CEP89: variants seen among roughly 807,000 people sequenced by gnomAD.
The protein encoded by CEP89 is centrosomal protein 89.
CEP89 carries 95 observed loss-of-function variants against 97.6 expected under a neutral mutation model. The observed-to-expected ratio is 0.97, with a 90% CI of 0.82 to 1.15. The LOEUF (loss-of-function observed/expected upper bound fraction) is 1.15, where lower values mean the gene tolerates loss of function less well. Among genes scored for constraint, CEP89 ranks in the 50% most tolerant of loss-of-function variants. The pLI is 0.00. For missense variants in CEP89, 869 were observed against 947.7 expected, an observed-to-expected ratio of 0.92 and a Z score of 1.09; for synonymous variants, 354 against 349.1, an observed-to-expected ratio of 1.01 and a Z score of -0.16.
In CEP89 at chr19:32,887,752, C is replaced by A. The variant is rs1039694225; in HGVS notation, c.1965G>T (p.Lys655Asn). 6.3e-7 allele frequency: 1 copy of A among 1,597,208 alleles called. No individual in the cohort carries two copies. The highest frequency in any genetic ancestry group is 1.7e-5 in the Admixed American group (1 of 59,990). ...TCTCTGAGGCCAAATAACCACTTACCTTGACTTTTTCCTCTAACTTTCCCA... is the reference window on the plus strand; with the variant it reads ...TCTCTGAGGCCAAATAACCACTTACATTGACTTTTTCCTCTAACTTTCCCA... ...IRLGKLEEKV[K>N]GYKKQAALKL... Residue 655 changes from lysine to asparagine, a missense_variant and splice_region_variant, in exon 17 of 19, where the codon AAG becomes AAT. By Grantham distance (94) the Lys-to-Asn change is moderately conservative. Transcript: ENST00000305768.
At chr19:32,916,096 G>A (rs576848622) in intron 13 of CEP89, among the ~76,000 whole-genome samples, 24 of 152,024 alleles carry the variant, frequency 1.6e-4, no homozygotes, top group African/African-American at 5.5e-4. Context: ...GGGTAACATA[G>A]TGAGACCCCA....
At chr19:32,911,277 G>A (rs1969994402) in intron 14 of CEP89, among the ~76,000 whole-genome samples, 1 of 152,192 alleles carries the variant, frequency 6.6e-6, no homozygotes, top group Admixed American at 6.5e-5. Context: ...AAAACACATT[G>A]GTCGCAGGAG....
At chr19:32,920,225 G>GTTTTTT (rs1467859891) in intron 12 of CEP89, among the ~76,000 whole-genome samples, 1 of 151,744 alleles carries the variant, frequency 6.6e-6, no homozygotes, top group Non-Finnish European at 1.5e-5. Flanking sequence ...TTTTGTTTTT[G>GTTTTTT]TTTTTGTTTT....
At chr19:32,891,354 AACAC>A (rs148821540) in intron 16 of CEP89, among the ~76,000 whole-genome samples, 22 of 150,996 alleles carry the variant, frequency 1.5e-4, no homozygotes, top group African/African-American at 4.9e-4. Flanking sequence ...CACACACACA[AACAC>A]ACACACACAC....
chr19:32,905,404 G>C (rs1307712110), intron 14 of CEP89, among the ~76,000 whole-genome samples: 1 of 152,150 alleles, frequency 6.6e-6, no homozygotes, highest in African/African-American at 2.4e-5. Context: ...TTCTAGAAAG[G>C]TTTATGTAAG....
intron 10 of CEP89, 90 bp downstream of exon 10, chr19:32,926,844 G>A (rs865959718): frequency 1.8e-6 from 2 of 1,117,936 alleles, no homozygotes; most frequent in Non-Finnish European, 2.7e-6. Context: ...TTACAGACAT[G>A]AGCCACCGCG....
chr19:32,953,061 G>T (rs527417982), intron 4 of CEP89, among the ~76,000 whole-genome samples: 2 of 151,952 alleles, frequency 1.3e-5, no homozygotes, highest in South Asian at 4.2e-4. Flanking sequence ...GGGATTCGCA[G>T]AGCAGCTGGC....
rs1269361037 is a variant in CEP89, at chr19:32,918,231, G to T, written c.1377C>A (p.Leu459=). Residue 459 remains leucine (L), a synonymous_variant, in exon 13 of 19, where the codon CTC becomes CTA. Coordinates refer to ENST00000305768, the MANE Select transcript of CEP89 (RefSeq NM_032816.5). ...RKAKDSHQER[L]QEVSKLTKQL... ...TCACTGGAAGGACCTCACCTTCTTG[G>T]AGGCGCTCCTGGTGGCTGTCCTTGG... The T allele has an allele frequency of 6.2e-7, 1 of 1,613,004 alleles. No homozygotes were observed. The highest frequency in any genetic ancestry group is 2.2e-5 in the East Asian group (1 of 44,876).
intron 13 of CEP89, 107 bp from the exon 14 acceptor site, chr19:32,915,624 T>A: frequency 9.5e-7 from 1 of 1,049,678 alleles, no homozygotes; most frequent in Non-Finnish European, 1.4e-6. Context: ...AAAATGACCT[T>A]TTAAAGATCT....
At chr19:32,905,637 G>C (rs928188626) in intron 14 of CEP89, among the ~76,000 whole-genome samples, 2 of 152,034 alleles carry the variant, frequency 1.3e-5, no homozygotes, top group Non-Finnish European at 2.9e-5. Flanking sequence ...TTATTTCTAG[G>C]TGCACACAAA....
intron 3 of CEP89, among the ~76,000 whole-genome samples, chr19:32,955,161 T>C (rs1971020882): frequency 6.6e-6 from 1 of 151,318 alleles, no homozygotes; most frequent in Non-Finnish European, 1.5e-5. Flanking sequence ...ATTTTTTGTT[T>C]GTTTGTTTAT....
intron 12 of CEP89, among the ~76,000 whole-genome samples, chr19:32,921,859 A>G (rs1970256563): frequency 6.6e-6 from 1 of 152,316 alleles, no homozygotes; most frequent in African/African-American, 2.4e-5. Context: ...AAAATCAGGG[A>G]GAGCCAATGG....
At position 32,895,940 on chromosome 19, in the gene CEP89, A is replaced by G. The variant is rs551058908; in HGVS notation, c.1875+3917T>C. Among the ~76,000 whole-genome samples, 5 of 152,328 alleles carry G rather than the reference A, an allele frequency of 3.3e-5. No individual in the cohort carries two copies. In the South Asian group the frequency reaches 1.0e-3, roughly 32 times the overall value. On this transcript the variant is annotated intron_variant, in intron 16 of 18. Coordinates refer to ENST00000305768, the MANE Select transcript of CEP89 (RefSeq NM_032816.5). ...GTTAAAGATTTCTACAAGGAAAGCT[A>G]CAAACACTGATGAAAGACAATGAAG...
At chr19:32,904,239 AT>A (rs1302125318) in intron 14 of CEP89, among the ~76,000 whole-genome samples, 1 of 152,258 alleles carries the variant, frequency 6.6e-6, no homozygotes, top group Non-Finnish European at 1.5e-5. Flanking sequence ...ACAATGAAAA[AT>A]TCTTAAAAGA....
At chr19:32,914,401 AG>A (rs1970076241) in intron 14 of CEP89, among the ~76,000 whole-genome samples, 1 of 152,010 alleles carries the variant, frequency 6.6e-6, no homozygotes, top group Admixed American at 6.6e-5. Flanking sequence ...CTGGGACCAC[AG>A]GCGCATACCA....
chr19:32,942,645 A>T (rs1970710880), intron 5 of CEP89, among the ~76,000 whole-genome samples: 1 of 152,220 alleles, frequency 6.6e-6, no homozygotes, highest in Non-Finnish European at 1.5e-5. Flanking sequence ...CATTTAATGT[A>T]CACGCAGTTC....
chr19:32,928,414 G>A (rs1306691213), intron 9 of CEP89, among the ~76,000 whole-genome samples: 8 of 151,580 alleles, frequency 5.3e-5, no homozygotes, highest in Non-Finnish European at 1.5e-5. Flanking sequence ...TAAGTTGCTT[G>A]TGGATCACCT....
chr19:32,902,762 T>C (rs913347497), intron 14 of CEP89, among the ~76,000 whole-genome samples: 2 of 152,182 alleles, frequency 1.3e-5, no homozygotes, highest in South Asian at 2.1e-4. Context: ...GAAAGGGCTC[T>C]AGAGACCTTG....
In CEP89 at chr19:32,877,297, G is replaced by A. The variant is rs1969192319; in HGVS notation, c.*1865C>T. 1 of 152,180 alleles carries A rather than the reference G, an allele frequency of 6.6e-6. No homozygotes were observed. The highest frequency in any genetic ancestry group is 2.4e-5 in the African/African-American group (1 of 41,432). The allele number at this position is 152,180 out of a possible 1,614,324, so 9.4% of individuals were successfully genotyped here. A position where few individuals can be genotyped will look rare whatever the true frequency, so the allele number is the denominator to read the frequency against. On this transcript the variant is annotated 3_prime_UTR_variant, in exon 19 of 19. Transcript: ENST00000305768. ...ACGTAGAACTTCTACACATGACCAA[G>A]GACCAGTACTGGGGCCTCCTTCCCA...
Sources: allele counts gnomAD v4.1 joint callset (sites outside exome capture counted in the v4.1 genomes callset), GRCh38; gene constraint gnomAD v4.1.1; transcripts MANE v1.5; gene names NCBI Gene and HGNC (gene_info 2026-07-23, HGNC 2026-07-21).